The following WDR70 variants were observed in gnomAD, a reference collection of about 807,000 sequenced individuals.
WDR70 encodes the protein WD repeat-containing protein 70.
In WDR70, 53 loss-of-function variants were observed where a neutral mutation model predicts 88.6. That is an observed-to-expected ratio of 0.60 (90% CI 0.48 to 0.75). The LOEUF (loss-of-function observed/expected upper bound fraction) is 0.75, where lower values mean the gene tolerates loss of function less well. WDR70 is among the 30% of genes least tolerant of loss of function. The pLI, the probability that WDR70 is intolerant of heterozygous loss-of-function variation, is 0.00. For synonymous variants in WDR70, 280 were observed against 270.0 expected (o/e 1.04, Z -0.36); for missense variants, 610 against 823.2 (o/e 0.74, Z 3.17).
intron 9 of WDR70, among the ~76,000 whole-genome samples, chr5:37,537,068 C>G (rs1202185517): frequency 6.6e-6 from 1 of 152,096 alleles, no homozygotes; most frequent in Non-Finnish European, 1.5e-5. Context: ...AATTAAAATC[C>G]AAACCCCGGG....
chr5:37,594,429 G>A (rs1743638096), intron 9 of WDR70, among the ~76,000 whole-genome samples: 1 of 152,096 alleles, frequency 6.6e-6, no homozygotes, highest in Non-Finnish European at 1.5e-5. Context: ...GTTTTTGTCA[G>A]GTTTGTCAAA....
chr5:37,480,661 A>T (rs949987957), intron 8 of WDR70, among the ~76,000 whole-genome samples: 1 of 152,134 alleles, frequency 6.6e-6, no homozygotes, highest in African/African-American at 2.4e-5. Context: ...CCCTTGACAC[A>T]TGGGAATTGT....
At position 37,658,150 on chromosome 5, in the gene WDR70, C is replaced by T. The variant is rs72740987; in HGVS notation, c.1093-39505C>T. Among the ~76,000 whole-genome samples, 1,174 of 151,340 alleles carry T rather than the reference C, an allele frequency of 7.8e-3. 10 individuals carry two copies. Among genetic ancestry groups the T allele is most frequent in the Non-Finnish European group, 0.013 (869 of 67,936 alleles). On this transcript the variant is annotated intron_variant, in intron 10 of 17. Transcript: ENST00000265107. ...TCACTATAAAGGTCTTCTTCCTCAT[C>T]ATCTTCACATTTAGTAGGTTGAGGA...
chr5:37,657,451 AC>A (rs991464206), intron 10 of WDR70, among the ~76,000 whole-genome samples: 13 of 151,884 alleles, frequency 8.6e-5, no homozygotes, highest in Non-Finnish European at 1.5e-4. Context: ...CTTGCCAGCC[AC>A]CCCGGGCTTC....
At position 37,443,374 on chromosome 5, in the gene WDR70, T is replaced by C. The variant is rs376355975; in HGVS notation, c.686+2T>C. On this transcript the variant is annotated splice_donor_variant, in intron 7 of 17. Coordinates refer to ENST00000265107, the MANE Select transcript of WDR70 (RefSeq NM_018034.4). LOFTEE classifies it high-confidence loss of function. ...TCGATCCCTTCAGCCCTGTGAGTGG[T>C]ATGTATTCACTTACTTAATATCTTC... The C allele has an allele frequency of 1.9e-6, 3 of 1,613,804 alleles. No individual in the cohort carries two copies. Among genetic ancestry groups the C allele is most frequent in the Non-Finnish European group, 1.7e-6 (2 of 1,179,798 alleles).
At chr5:37,432,778 C>G (rs1451356937) in intron 5 of WDR70, among the ~76,000 whole-genome samples, 1 of 151,660 alleles carries the variant, frequency 6.6e-6, no homozygotes, top group African/African-American at 2.4e-5. Context: ...CCAGGGTGGT[C>G]TTGATCTCCT....
At chr5:37,748,833 A>C (rs1748712446) in intron 17 of WDR70, among the ~76,000 whole-genome samples, 1 of 152,250 alleles carries the variant, frequency 6.6e-6, no homozygotes, top group Non-Finnish European at 1.5e-5. Context: ...GAAGTCGTTT[A>C]TGCGGCCAAG....
chr5:37,383,463 T>C (rs1015054495), intron 3 of WDR70, among the ~76,000 whole-genome samples: 4 of 152,182 alleles, frequency 2.6e-5, no homozygotes, highest in South Asian at 2.1e-4. Flanking sequence ...GGTTTCGCCA[T>C]GTTGGCCAGG....
At chr5:37,402,349 CATTT>C (rs1310748997) in intron 5 of WDR70, among the ~76,000 whole-genome samples, 1 of 144,616 alleles carries the variant, frequency 6.9e-6, no homozygotes, top group East Asian at 2.0e-4. Flanking sequence ...TAAATCCATT[CATTT>C]ATTGATGGAC....
intron 17 of WDR70, among the ~76,000 whole-genome samples, chr5:37,727,552 C>T (rs1000812880): frequency 1.3e-5 from 2 of 152,014 alleles, no homozygotes; most frequent in Admixed American, 1.3e-4. Flanking sequence ...AAGATAGGTA[C>T]TATTATAGAA....
intron 5 of WDR70, among the ~76,000 whole-genome samples, chr5:37,425,260 A>G (rs1750086826): frequency 6.6e-6 from 1 of 152,222 alleles, no homozygotes; most frequent in African/African-American, 2.4e-5. Context: ...CAAAAAAACA[A>G]CAAAGAAGAT....
At chr5:37,384,660 CAAAAA>C (rs70978807) in intron 3 of WDR70, among the ~76,000 whole-genome samples, 2 of 59,474 alleles carry the variant, frequency 3.4e-5, no homozygotes, top group African/African-American at 7.5e-5. Context: ...ACTCTTGTCT[CAAAAA>C]AAAAAAAAAA....
At position 37,487,711 on chromosome 5, in the gene WDR70, C is replaced by T. The variant is rs1198371381; in HGVS notation, c.840+7724C>T. 2.7e-5 allele frequency among the ~76,000 whole-genome samples: 4 copies of T among 149,486 alleles called. No individual in the cohort carries two copies. The East Asian group carries it at 7.9e-4, about 29-fold the overall frequency. On this transcript the variant is annotated intron_variant, in intron 8 of 17. Transcript: ENST00000265107. ...TGCGATCTCAGCTCACTGCAATCTC[C>T]TCCTCCCGGGTACAAGTGATTCCCC...
At chr5:37,570,809 C>A (rs987139936) in intron 9 of WDR70, among the ~76,000 whole-genome samples, 1 of 152,150 alleles carries the variant, frequency 6.6e-6, no homozygotes, top group Admixed American at 6.5e-5. Flanking sequence ...TGTTCTTTAC[C>A]CATTTTTGTA....
At chr5:37,724,856 G>A in intron 15 of WDR70, 78 bp from the exon 16 acceptor site, 1 of 1,252,368 alleles carries the variant, frequency 8.0e-7, no homozygotes, top group Non-Finnish European at 1.2e-6. Context: ...TCATCTTTCA[G>A]TTAGTCATGC....
chr5:37,421,901 CTT>C (rs891472684), intron 5 of WDR70, among the ~76,000 whole-genome samples: 19 of 151,452 alleles, frequency 1.3e-4, no homozygotes, highest in Non-Finnish European at 2.8e-4. Context: ...CTCCCTCTCT[CTT>C]GGTGGTTGTA....
At chr5:37,679,729 G>A (rs932862013) in intron 10 of WDR70, among the ~76,000 whole-genome samples, 1 of 152,222 alleles carries the variant, frequency 6.6e-6, no homozygotes, top group African/African-American at 2.4e-5. Context: ...CAGATCTCCA[G>A]CTGCGTGCTG....
Position 37,637,276 on chromosome 5 carries a change from G to A in WDR70, c.1092+32038G>A, listed in dbSNP as rs10941358. 4.0e-5 allele frequency among the ~76,000 whole-genome samples: 6 copies of A among 151,144 alleles called. 1 individual carries two copies. In the South Asian group the frequency reaches 1.3e-3, roughly 32 times the overall value. On this transcript the variant is annotated intron_variant, in intron 10 of 17. Coordinates refer to ENST00000265107, the MANE Select transcript of WDR70 (RefSeq NM_018034.4). ...GAATCGCTTGAACCTGAGAGGCGAA[G>A]TTTGCAGTGAGCCAAGATCGCCTGG...
chr5:37,524,851 A>G (rs907000360), intron 9 of WDR70, among the ~76,000 whole-genome samples: 30 of 152,316 alleles, frequency 2.0e-4, no homozygotes, highest in African/African-American at 6.3e-4. Context: ...TAAAACAGAC[A>G]TTAAACCAAC....
Sources: allele counts gnomAD v4.1 joint callset (sites outside exome capture counted in the v4.1 genomes callset), GRCh38; gene constraint gnomAD v4.1.1; transcripts MANE v1.5; gene names NCBI Gene and HGNC (gene_info 2026-07-23, HGNC 2026-07-21).